The following DEPDC1 variants were observed in gnomAD, a reference collection of about 807,000 sequenced individuals.
DEPDC1 encodes the protein DEP domain-containing protein 1A.
Under a neutral mutation model 86.8 loss-of-function variants are expected in DEPDC1, and 66 were observed. The observed-to-expected ratio is 0.76, with a 90% CI of 0.62 to 0.93. The LOEUF is 0.93. DEPDC1 is among the 40% of genes least tolerant of loss of function. The pLI is 0.00. For missense variants in DEPDC1, 792 were observed against 935.7 expected (o/e 0.85, Z 2.00); for synonymous variants, 255 against 314.9 (o/e 0.81, Z 2.02).
intron 7 of DEPDC1, 98 bp from the exon 8 acceptor site, chr1:68,482,995 T>C (rs973507091): frequency 9.5e-6 from 12 of 1,261,586 alleles, no homozygotes; most frequent in Non-Finnish European, 1.2e-5. Context: ...AGCATTACTA[T>C]AGTATATATT....
chr1:68,489,697 C>A, intron 2 of DEPDC1, 89 bp from the exon 3 acceptor site: 4 of 961,144 alleles, frequency 4.2e-6, no homozygotes, highest in South Asian at 1.9e-5. Context: ...ACATAAAGAG[C>A]CTGACTTATT....
chr1:68,476,920 T>A lies in DEPDC1; in HGVS notation c.*12A>T. 6.4e-7 allele frequency: 1 copy of A among 1,559,938 alleles called. No individual in the cohort carries two copies. The highest frequency in any genetic ancestry group is 1.2e-5 in the South Asian group (1 of 82,926). ...AGTTCCACAAGTATTACATAATTTT[T>A]AATTCAGTTAGTTATCTTAGACTAC... On this transcript the variant is annotated 3_prime_UTR_variant, in exon 12 of 12. Coordinates refer to ENST00000456315, the MANE Select transcript of DEPDC1 (RefSeq NM_001114120.3).
intron 6 of DEPDC1, among the ~76,000 whole-genome samples, chr1:68,486,610 A>C (rs1646194114): frequency 1.3e-5 from 2 of 151,822 alleles, no homozygotes; most frequent in Non-Finnish European, 2.9e-5. Context: ...AGCCATTTGA[A>C]CTCTGAGCCT....
intron 10 of DEPDC1, 98 bp from the exon 11 acceptor site, chr1:68,478,070 C>T (rs948852772): frequency 1.2e-5 from 10 of 839,922 alleles, no homozygotes; most frequent in Non-Finnish European, 1.7e-5. Context: ...TAATTTACCA[C>T]CAATCAAACA....
intron 5 of DEPDC1, among the ~76,000 whole-genome samples, 163 bp downstream of exon 5, chr1:68,488,207 TACTC>T (rs923122904): frequency 2.0e-5 from 3 of 151,888 alleles, no homozygotes; most frequent in African/African-American, 7.2e-5. Flanking sequence ...GCACGAATAA[TACTC>T]ACTTAAAAAT....
In DEPDC1 at chr1:68,489,497, G is replaced by T; in HGVS notation, c.426C>A (p.Asn142Lys). 1 of 1,535,294 alleles carries T rather than the reference G, an allele frequency of 6.5e-7. No individual in the cohort carries two copies. Among genetic ancestry groups the T allele is most frequent in the Non-Finnish European group, 8.7e-7 (1 of 1,151,860 alleles). Residue 142 changes from asparagine (N) to lysine (K), a missense_variant, in exon 3 of 12, where the codon AAC (asparagine) becomes AAA (lysine). Asn to Lys is a moderately conservative substitution (Grantham distance 94). Coordinates refer to ENST00000456315, the MANE Select transcript of DEPDC1 (RefSeq NM_001114120.3). Reference protein sequence around the residue: ...KDKDSIFKLRNLSRRTPKRHG... With the variant: ...KDKDSIFKLRKLSRRTPKRHG... ...GCCTTTTAGGAGTTCTACGAGATAAGTTTCGTAATTTAAAAATGCTATCTT... is the reference window on the plus strand; with the variant it reads ...GCCTTTTAGGAGTTCTACGAGATAATTTTCGTAATTTAAAAATGCTATCTT...
intron 2 of DEPDC1, 128 bp from the exon 3 acceptor site, chr1:68,489,736 C>A: frequency 3.2e-6 from 2 of 616,240 alleles, no homozygotes; most frequent in Admixed American, 4.1e-5. Flanking sequence ...AGATTCTAGA[C>A]AAATAAATTT....
At chr1:68,489,406 C>T (rs1173515266) in intron 3 of DEPDC1, 46 bp downstream of exon 3, 4 of 1,274,988 alleles carry the variant, frequency 3.1e-6, no homozygotes, top group Non-Finnish European at 4.2e-6. Flanking sequence ...TCATTGAGTA[C>T]ATCATAATTA....
At chr1:68,492,196 A>C (rs1281103460) in intron 2 of DEPDC1, among the ~76,000 whole-genome samples, 2 of 152,146 alleles carry the variant, frequency 1.3e-5, no homozygotes, top group African/African-American at 2.4e-5. Flanking sequence ...CCACAAAGAA[A>C]CTATATTGAA....
chr1:68,476,020 G>C lies in DEPDC1; in HGVS notation c.*912C>G, dbSNP rs74361995. 5 of 151,880 alleles carry C rather than the reference G, an allele frequency of 3.3e-5. No individual in the cohort carries two copies. In the East Asian group the frequency reaches 9.7e-4, roughly 29 times the overall value. 9.4% of individuals were successfully genotyped at this position (151,880 alleles called of 1,614,324 possible). On this transcript the variant is annotated 3_prime_UTR_variant, in exon 12 of 12. Coordinates refer to ENST00000456315, the MANE Select transcript of DEPDC1 (RefSeq NM_001114120.3). ...TACCAGTTTGAAAACCACTAGCTTA[G>C]AGACCTGTTCCATCATCATAGAAGT...
chr1:68,476,993 T>C lies in DEPDC1; in HGVS notation c.2375A>G (p.Lys792Arg), dbSNP rs1646120034. The change falls in exon 12 of 12, where the codon AAA becomes AGA. Residue 792 changes from lysine to arginine, a missense_variant. By Grantham distance (26) the Lys-to-Arg change is conservative (BLOSUM62 2). Transcript: ENST00000456315. ...CAGCATTGGTTGCTTGATTGTAGGT[T>C]TGTCACCAAAAAGTGCTGCTTCACT... ...TESEAALFGD[K>R]PTIKQPMLIL... The C allele has an allele frequency of 6.2e-7, 1 of 1,607,806 alleles. No individual in the cohort carries two copies. Among genetic ancestry groups the C allele is most frequent in the African/African-American group, 1.3e-5 (1 of 74,790 alleles).
chr1:68,495,623 G>A (rs900882640), intron 1 of DEPDC1, among the ~76,000 whole-genome samples: 3 of 152,134 alleles, frequency 2.0e-5, no homozygotes, highest in African/African-American at 7.2e-5. Flanking sequence ...CTGTACTAAG[G>A]GAGATTACAG....
At position 68,494,564 on chromosome 1, in the gene DEPDC1, A is replaced by G; in HGVS notation, c.180T>C (p.Asn60=). The change falls in exon 2 of 12, where the codon AAT becomes AAC. Residue 60 remains asparagine (N), a synonymous_variant. Transcript: ENST00000456315. The part of the protein sequence containing the change: ...VDWLYDLLRN[N]SNFGPEVTRQ... Reference sequence around the variant, plus strand: ...TTGTAACTTCAGGACCAAAATTGCTATTATTTCTTAATAGGTCATAAAGCC... The same window carrying G: ...TTGTAACTTCAGGACCAAAATTGCTGTTATTTCTTAATAGGTCATAAAGCC... The G allele has an allele frequency of 1.2e-6, 2 of 1,613,782 alleles. No individual in the cohort carries two copies. The highest frequency in any genetic ancestry group is 1.3e-5 in the African/African-American group (1 of 75,018).
chr1:68,483,039 A>G, intron 7 of DEPDC1, 142 bp from the exon 8 acceptor site: 1 of 848,324 alleles, frequency 1.2e-6, no homozygotes, highest in Non-Finnish European at 1.8e-6. Context: ...TGCTTAATTC[A>G]GAAGCCACTT....
At chr1:68,492,434 T>C (rs60555793) in intron 2 of DEPDC1, among the ~76,000 whole-genome samples, 12,648 of 152,010 alleles carry the variant, frequency 0.083, 811 homozygotes, top group African/African-American at 0.17. Flanking sequence ...AGGCCGGGCG[T>C]GGTGGCTCAT....
chr1:68,485,659 C>T (rs1428633193), intron 6 of DEPDC1, among the ~76,000 whole-genome samples: 1 of 151,990 alleles, frequency 6.6e-6, no homozygotes, highest in Non-Finnish European at 1.5e-5. Flanking sequence ...AATTCCTAAC[C>T]ATGAGCAAAG....
In DEPDC1 at chr1:68,483,228, T is replaced by C. The variant is rs1185874944; in HGVS notation, c.911-331A>G. ...TAGAAACCTCATAAATATAAGATAA[T>C]TGTGGTATAATAAAATACATATATT... On this transcript the variant is annotated intron_variant, in intron 7 of 11. Coordinates refer to ENST00000456315, the MANE Select transcript of DEPDC1 (RefSeq NM_001114120.3). The C allele has an allele frequency of 5.5e-5, 29 of 531,142 alleles. 1 individual carries two copies. In the Admixed American group the frequency reaches 5.9e-4, roughly 11 times the overall value. 32.9% of individuals were successfully genotyped at this position (531,142 alleles called of 1,614,324 possible).
Position 68,488,786 on chromosome 1 carries a change from A to G in DEPDC1, c.590+130T>C, listed in dbSNP as rs545621103. 1.8e-5 allele frequency: 13 copies of G among 725,356 alleles called. No individual in the cohort carries two copies. In the African/African-American group the frequency reaches 2.1e-4, roughly 12 times the overall value. The allele number at this position is 725,356 out of a possible 1,614,324, so 44.9% of individuals were successfully genotyped here. On this transcript the variant is annotated intron_variant, in intron 4 of 11. Transcript: ENST00000456315. ...CTATAACAAGAGTATTTATTTAAAA[A>G]CACATATACAGGTTGCATTCTAAGC...
chr1:68,488,703 T>C (rs1258995110), intron 4 of DEPDC1, among the ~76,000 whole-genome samples, 199 bp from the exon 5 acceptor site: 4 of 151,816 alleles, frequency 2.6e-5, no homozygotes, highest in East Asian at 1.9e-4. Flanking sequence ...ATGGCCATAA[T>C]GTTGATTCAA....
Sources: gnomAD v4.1 joint callset for allele counts (sites outside exome capture counted in the v4.1 genomes callset) on GRCh38, gnomAD v4.1.1 for gene constraint, MANE v1.5 for transcripts, NCBI Gene and HGNC (gene_info 2026-07-23, HGNC 2026-07-21) for gene names.